TRIM33: variants seen among roughly 807,000 people sequenced by gnomAD.
TRIM33 encodes the protein E3 ubiquitin-protein ligase TRIM33.
A neutral mutation model predicts 125.4 loss-of-function variants in TRIM33; 20 were observed. That is an observed-to-expected ratio of 0.16 (90% CI 0.11 to 0.23). TRIM33 has a LOEUF of 0.23. TRIM33 is among the 10% of genes least tolerant of loss of function. The pLI, the probability that TRIM33 is intolerant of heterozygous loss-of-function variation, is 1.00. For missense variants in TRIM33, 920 were observed against 1,411.4 expected, an observed-to-expected ratio of 0.65 and a Z score of 5.58; for synonymous variants, 564 against 513.9, an observed-to-expected ratio of 1.10 and a Z score of -1.32.
chr1:114,484,982 G>A (rs576708603), intron 1 of TRIM33, among the ~76,000 whole-genome samples: 1 of 151,982 alleles, frequency 6.6e-6, no homozygotes, highest in Non-Finnish European at 1.5e-5. Context: ...AACCTGGGAG[G>A]CGGAGGTTGC....
chr1:114,451,079 C>T (rs1649280270), intron 4 of TRIM33, among the ~76,000 whole-genome samples: 1 of 152,106 alleles, frequency 6.6e-6, no homozygotes, highest in South Asian at 2.1e-4. Flanking sequence ...GTCAGGGAGA[C>T]TGAAGGTCCC....
chr1:114,439,770 G>T (rs955773122), intron 4 of TRIM33, among the ~76,000 whole-genome samples: 1 of 151,996 alleles, frequency 6.6e-6, no homozygotes, highest in African/African-American at 2.4e-5. Context: ...TAAAACCAGT[G>T]ATAAAGAGAA....
intron 4 of TRIM33, among the ~76,000 whole-genome samples, chr1:114,452,992 A>G (rs553050086): frequency 1.3e-5 from 2 of 152,258 alleles, no homozygotes; most frequent in South Asian, 2.1e-4. Context: ...ACTCGCCCTA[A>G]AAGTCCTTAA....
Position 114,511,106 on chromosome 1 carries a change from C to T in TRIM33, c.-30G>A, listed in dbSNP as rs1281628057. The T allele has an allele frequency of 5.2e-6, 6 of 1,145,148 alleles. No individual in the cohort carries two copies. The highest frequency in any genetic ancestry group is 5.3e-6 in the Non-Finnish European group (5 of 935,820). The allele number at this position is 1,145,148 out of a possible 1,614,324, so 70.9% of individuals were successfully genotyped here. A position where few individuals can be genotyped will look rare whatever the true frequency, so the allele number is the denominator to read the frequency against. On this transcript the variant is annotated 5_prime_UTR_variant, in exon 1 of 20. Coordinates refer to ENST00000358465, the MANE Select transcript of TRIM33 (RefSeq NM_015906.4). ...TCCTCTTTGAACCCGCCGGACCGCCCCGCGCCGCCCGCCGCCCGCGTCGCC... is the reference window on the plus strand; with the variant it reads ...TCCTCTTTGAACCCGCCGGACCGCCTCGCGCCGCCCGCCGCCCGCGTCGCC...
intron 4 of TRIM33, among the ~76,000 whole-genome samples, chr1:114,440,370 A>C (rs550342883): frequency 6.6e-6 from 1 of 152,106 alleles, no homozygotes; most frequent in African/African-American, 2.4e-5. Context: ...AAATTGCATA[A>C]TTTTTCAAGG....
chr1:114,408,823 A>T, intron 12 of TRIM33, 83 bp from the exon 13 acceptor site: 1 of 935,910 alleles, frequency 1.1e-6, no homozygotes, highest in Non-Finnish European at 1.6e-6. Flanking sequence ...ACTCAAGATT[A>T]TTATAACCCA....
chr1:114,429,487 G>A (rs971281038), intron 6 of TRIM33, among the ~76,000 whole-genome samples: 30 of 151,888 alleles, frequency 2.0e-4, no homozygotes, highest in Admixed American at 2.0e-3. Flanking sequence ...CACCGCACCC[G>A]GCCAAGAGTA....
chr1:114,464,486 C>A, intron 1 of TRIM33, 98 bp from the exon 2 acceptor site: 1 of 638,606 alleles, frequency 1.6e-6, no homozygotes, highest in Non-Finnish European at 2.6e-6. Flanking sequence ...CAGAGAAGAC[C>A]AAAGAAATGA....
chr1:114,399,352 A>G (rs1651736882), intron 18 of TRIM33, 105 bp downstream of exon 18: 2 of 1,111,076 alleles, frequency 1.8e-6, no homozygotes, highest in Non-Finnish European at 2.5e-6. Flanking sequence ...ACAGGACTTT[A>G]GCAGAAAAAA....
intron 1 of TRIM33, among the ~76,000 whole-genome samples, chr1:114,507,644 G>A (rs1192370443): frequency 6.6e-6 from 1 of 152,120 alleles, no homozygotes; most frequent in Non-Finnish European, 1.5e-5. Context: ...CATTTTAAAG[G>A]GAAACTGAAG....
intron 1 of TRIM33, among the ~76,000 whole-genome samples, chr1:114,481,008 C>T (rs1043841391): frequency 6.6e-6 from 1 of 151,988 alleles, no homozygotes; most frequent in Non-Finnish European, 1.5e-5. Flanking sequence ...CCTGTCTCTA[C>T]TAAAAATACA....
intron 4 of TRIM33, among the ~76,000 whole-genome samples, chr1:114,441,176 G>A (rs948074796): frequency 2.0e-5 from 3 of 152,150 alleles, no homozygotes; most frequent in Non-Finnish European, 4.4e-5. Flanking sequence ...GGGGGTGGTG[G>A]CACATGCCTG....
chr1:114,421,286 G>C lies in TRIM33; in HGVS notation c.2061+150C>G, dbSNP rs1476059792. On this transcript the variant is annotated intron_variant, in intron 11 of 19. Transcript: ENST00000358465. Reference sequence around the variant, plus strand: ...GTTGATGAAAGTTTCACTTAGACTGGAAGGAGACTTTTAGTGATTTAGACT... The same window carrying C: ...GTTGATGAAAGTTTCACTTAGACTGCAAGGAGACTTTTAGTGATTTAGACT... 1.2e-5 allele frequency: 9 copies of C among 731,182 alleles called. No homozygotes were observed. The East Asian group carries it at 2.4e-4, about 20-fold the overall frequency. The allele number at this position is 731,182 out of a possible 1,614,324, so 45.3% of individuals were successfully genotyped here.
At chr1:114,484,370 G>C (rs1371374119) in intron 1 of TRIM33, among the ~76,000 whole-genome samples, 1 of 152,128 alleles carries the variant, frequency 6.6e-6, no homozygotes, top group East Asian at 1.9e-4. Flanking sequence ...TAACCATCAA[G>C]ACTCTGACCT....
chr1:114,413,577 A>AAGAAAAGAAAAAGACTTTTTC (rs1652727955), intron 11 of TRIM33, among the ~76,000 whole-genome samples: 2 of 128,946 alleles, frequency 1.6e-5, no homozygotes, highest in Non-Finnish European at 3.2e-5. Flanking sequence ...AAAAAAAGAA[A>AAGAAAAGAAAAAGACTTTTTC]AGAAAAGAAA....
intron 5 of TRIM33, 122 bp from the exon 6 acceptor site, chr1:114,431,034 A>G: frequency 3.1e-6 from 2 of 650,304 alleles, no homozygotes; most frequent in Non-Finnish European, 5.4e-6. Flanking sequence ...ACTTTGTCAA[A>G]ATGTACAACT....
chr1:114,491,620 T>C (rs1179006239), intron 1 of TRIM33, among the ~76,000 whole-genome samples: 1 of 151,984 alleles, frequency 6.6e-6, no homozygotes, highest in Non-Finnish European at 1.5e-5. Flanking sequence ...CTGGGCAACA[T>C]GGTGAAACCC....
chr1:114,493,372 CA>C (rs1198512446), intron 1 of TRIM33, among the ~76,000 whole-genome samples: 1 of 152,132 alleles, frequency 6.6e-6, no homozygotes, highest in Non-Finnish European at 1.5e-5. Context: ...CTTCAATGTA[CA>C]AAAGTTTTAC....
At chr1:114,500,834 A>G (rs557571320) in intron 1 of TRIM33, among the ~76,000 whole-genome samples, 1 of 152,304 alleles carries the variant, frequency 6.6e-6, no homozygotes, top group South Asian at 2.1e-4. Flanking sequence ...TTGCTATGTA[A>G]CAAATTACCT....
Sources: gnomAD v4.1 joint callset for allele counts (sites outside exome capture counted in the v4.1 genomes callset) on GRCh38, gnomAD v4.1.1 for gene constraint, MANE v1.5 for transcripts, NCBI Gene and HGNC (gene_info 2026-07-23, HGNC 2026-07-21) for gene names.